MAF: variants seen among roughly 807,000 people sequenced by gnomAD.
MAF encodes MAF bZIP transcription factor.
In MAF, 10 loss-of-function variants were observed where a neutral mutation model predicts 22.0. The observed-to-expected ratio is 0.45, with a 90% CI of 0.28 to 0.77. The LOEUF (loss-of-function observed/expected upper bound fraction) is 0.77, where lower values mean the gene tolerates loss of function less well. Among genes scored for constraint, MAF ranks in the 30% least tolerant of loss-of-function variants. The pLI, the probability that MAF is intolerant of heterozygous loss-of-function variation, is 0.12. For synonymous variants in MAF, 337 were observed against 255.8 expected (o/e 1.32, Z -3.03); for missense variants, 544 against 548.4 (o/e 0.99, Z 0.08).
At chr16:79,549,545 T>G in the MAF span, among the ~76,000 whole-genome samples, 2 of 152,220 alleles carry the variant, frequency 1.3e-5, no homozygotes, top group African/African-American at 4.8e-5. Context: ...ATCGATTCTC[T>G]GCCTGGCCCT....
the MAF span, among the ~76,000 whole-genome samples, chr16:79,210,412 T>C: frequency 6.6e-5 from 10 of 152,210 alleles, no homozygotes; most frequent in Non-Finnish European, 7.4e-5. Context: ...GTAAGCACCC[T>C]GCATGGTCAC....
chr16:79,315,257 T>C, the MAF span, among the ~76,000 whole-genome samples: 1 of 152,026 alleles, frequency 6.6e-6, no homozygotes, highest in Non-Finnish European at 1.5e-5. Context: ...CCATAGAACA[T>C]ATCAGGGTGA....
At chr16:79,241,867 G>A in the MAF span, among the ~76,000 whole-genome samples, 3 of 152,078 alleles carry the variant, frequency 2.0e-5, no homozygotes, top group Admixed American at 1.3e-4. Context: ...CTACAAGCCA[G>A]AAGAGAGTGG....
the MAF span, among the ~76,000 whole-genome samples, chr16:79,392,739 G>A: frequency 6.6e-6 from 1 of 152,166 alleles, no homozygotes; most frequent in Non-Finnish European, 1.5e-5. Context: ...TGAGTAGGTA[G>A]CCCAGTAGGA....
chr16:79,585,747 AG>A, downstream of MAF: 1 of 570,620 alleles, frequency 1.8e-6, no homozygotes, highest in Non-Finnish European at 3.0e-6. Context: ...CTAATGAAAC[AG>A]GAACTTTTCA....
At chr16:79,273,072 A>G in the MAF span, among the ~76,000 whole-genome samples, 1 of 152,194 alleles carries the variant, frequency 6.6e-6, no homozygotes, top group African/African-American at 2.4e-5. Context: ...AAAATTCACC[A>G]AAGTTGGAAT....
At chr16:79,208,407 C>T in the MAF span, among the ~76,000 whole-genome samples, 1 of 151,922 alleles carries the variant, frequency 6.6e-6, no homozygotes, top group African/African-American at 2.4e-5. Context: ...TTTAGGGGAA[C>T]CCATAGCTCC....
the MAF span, among the ~76,000 whole-genome samples, chr16:79,419,728 G>T: frequency 6.6e-6 from 1 of 152,122 alleles, no homozygotes; most frequent in Non-Finnish European, 1.5e-5. Context: ...AACCTAGACC[G>T]AGCTCACCTT....
At chr16:79,304,548 T>G in the MAF span, among the ~76,000 whole-genome samples, 1 of 152,308 alleles carries the variant, frequency 6.6e-6, no homozygotes, top group East Asian at 1.9e-4. Context: ...ACTAGCCCTT[T>G]TGATTCCATA....
At chr16:79,396,747 C>G in the MAF span, among the ~76,000 whole-genome samples, 4 of 152,218 alleles carry the variant, frequency 2.6e-5, no homozygotes, top group Non-Finnish European at 4.4e-5. Context: ...TGCCTGCCTC[C>G]CATACCCAGA....
the MAF span, among the ~76,000 whole-genome samples, chr16:79,501,454 C>G: frequency 6.6e-6 from 1 of 152,172 alleles, no homozygotes; most frequent in Non-Finnish European, 1.5e-5. Flanking sequence ...GCCACCAGAA[C>G]AGGCAGTAGG....
the MAF span, among the ~76,000 whole-genome samples, chr16:79,279,692 A>G: frequency 6.6e-6 from 1 of 152,146 alleles, no homozygotes; most frequent in African/African-American, 2.4e-5. Flanking sequence ...TCCTAATGGC[A>G]TATGTTGCCT....
chr16:79,595,017 T>C (rs2143763596), intron 1 of MAF: 1 of 1,059,976 alleles, frequency 9.4e-7, no homozygotes, highest in African/African-American at 1.7e-5. Flanking sequence ...ATATCACTCT[T>C]ATTTTGAGAA....
the MAF span, among the ~76,000 whole-genome samples, chr16:79,491,556 G>C: frequency 1.3e-5 from 2 of 152,194 alleles, no homozygotes; most frequent in East Asian, 1.9e-4. Context: ...TAGAACCTTG[G>C]TTTCTAAGTC....
the MAF span, among the ~76,000 whole-genome samples, chr16:79,332,755 C>G: frequency 6.6e-6 from 1 of 152,196 alleles, no homozygotes; most frequent in South Asian, 2.1e-4. Context: ...CACAGTCTGA[C>G]GAACAACCAG....
At chr16:79,502,718 T>A in the MAF span, among the ~76,000 whole-genome samples, 73 of 18,118 alleles carry the variant, frequency 4.0e-3, no homozygotes, top group Admixed American at 8.2e-3. Flanking sequence ...AATATATATA[T>A]ATATATATAT....
chr16:79,586,441 G>A (rs1307406665), intron 1 of MAF, among the ~76,000 whole-genome samples: 1 of 152,148 alleles, frequency 6.6e-6, no homozygotes, highest in Non-Finnish European at 1.5e-5. Context: ...TGTCTATCCT[G>A]CTGGCACCAC....
the MAF span, among the ~76,000 whole-genome samples, chr16:79,362,419 T>C: frequency 6.7e-6 from 1 of 148,740 alleles, no homozygotes; most frequent in Admixed American, 6.6e-5. Context: ...CCTCAATGAA[T>C]TTTGTTGTTG....
At chr16:79,514,576 T>C in the MAF span, among the ~76,000 whole-genome samples, 1 of 152,220 alleles carries the variant, frequency 6.6e-6, no homozygotes, top group Non-Finnish European at 1.5e-5. Flanking sequence ...ACCACCAGTT[T>C]CTTCCAGCAG....
Sources: allele counts gnomAD v4.1 joint callset (sites outside exome capture counted in the v4.1 genomes callset), GRCh38; gene constraint gnomAD v4.1.1; transcripts MANE v1.5; gene names NCBI Gene and HGNC (gene_info 2026-07-23, HGNC 2026-07-21).